OPCML: variants seen among roughly 807,000 people sequenced by gnomAD.
The protein encoded by OPCML is opioid-binding protein/cell adhesion molecule.
Under a neutral mutation model 37.8 loss-of-function variants are expected in OPCML, and 13 were observed. The observed-to-expected ratio is 0.34, with a 90% confidence interval of 0.22 to 0.55. OPCML has a LOEUF of 0.55. OPCML is among the 20% of genes least tolerant of loss of function. OPCML has a pLI of 0.91. For missense variants in OPCML, 341 were observed against 435.6 expected (o/e 0.78, Z 1.93); for synonymous variants, 176 against 168.8 (o/e 1.04, Z -0.33).
intron 1 of OPCML, among the ~76,000 whole-genome samples, chr11:133,164,726 G>A (rs528621544): frequency 3.3e-5 from 5 of 152,288 alleles, no homozygotes; most frequent in South Asian, 2.1e-4. Context: ...AGTTAAAGGC[G>A]CTCTCCTAGA....
intron 1 of OPCML, among the ~76,000 whole-genome samples, chr11:133,207,055 A>C (rs1385232725): frequency 6.8e-6 from 1 of 147,254 alleles, no homozygotes; most frequent in Non-Finnish European, 1.5e-5. Context: ...TGGGAGGCCG[A>C]GGCGGGCGGA....
At chr11:133,248,175 G>A (rs1246778791) in intron 1 of OPCML, among the ~76,000 whole-genome samples, 4 of 152,152 alleles carry the variant, frequency 2.6e-5, no homozygotes, top group Admixed American at 1.3e-4. Context: ...AGCAAGGAAC[G>A]TACAATTGTG....
chr11:132,492,063 G>A (rs2096217877), intron 4 of OPCML, among the ~76,000 whole-genome samples: 1 of 151,852 alleles, frequency 6.6e-6, no homozygotes, highest in African/African-American at 2.4e-5. Flanking sequence ...CAGAGAAGGA[G>A]CAGGCAACTG....
At chr11:132,482,385 C>CGGAAT (rs1194189131) in intron 4 of OPCML, among the ~76,000 whole-genome samples, 2 of 151,728 alleles carry the variant, frequency 1.3e-5, no homozygotes, top group East Asian at 3.9e-4. Context: ...AGTTGAATCT[C>CGGAAT]AGAATAGACC....
chr11:132,429,542 C>G (rs902008208), intron 7 of OPCML, among the ~76,000 whole-genome samples: 1 of 152,024 alleles, frequency 6.6e-6, no homozygotes, highest in Non-Finnish European at 1.5e-5. Context: ...GAGGCATGCC[C>G]CGAGCGTTCC....
chr11:132,657,599 A>G (rs1227816198), intron 2 of OPCML, among the ~76,000 whole-genome samples: 1 of 152,216 alleles, frequency 6.6e-6, no homozygotes, highest in East Asian at 1.9e-4. Context: ...TTTTTTCCCC[A>G]TAGGCTTATA....
At chr11:132,652,725 T>C (rs1941492825) in intron 3 of OPCML, among the ~76,000 whole-genome samples, 1 of 152,212 alleles carries the variant, frequency 6.6e-6, no homozygotes, top group South Asian at 2.1e-4. Context: ...AACAATCTCT[T>C]AGCTTGTCAC....
chr11:132,890,531 G>A (rs1471357524), intron 2 of OPCML, among the ~76,000 whole-genome samples: 4 of 151,988 alleles, frequency 2.6e-5, no homozygotes, highest in African/African-American at 9.7e-5. Context: ...ACATACAAAA[G>A]AGCAAGATAA....
intron 4 of OPCML, among the ~76,000 whole-genome samples, chr11:132,505,746 C>T (rs1162915792): frequency 2.6e-5 from 4 of 151,954 alleles, no homozygotes; most frequent in Admixed American, 2.0e-4. Flanking sequence ...GAAGAAAAGA[C>T]AGAAGGAGAT....
At chr11:133,086,250 G>A (rs976016600) in intron 1 of OPCML, among the ~76,000 whole-genome samples, 6 of 151,194 alleles carry the variant, frequency 4.0e-5, no homozygotes, top group African/African-American at 1.2e-4. Flanking sequence ...GGATATTACA[G>A]TCAAGTGATG....
chr11:132,723,947 C>T (rs1944774069), intron 2 of OPCML, among the ~76,000 whole-genome samples: 1 of 152,154 alleles, frequency 6.6e-6, no homozygotes, highest in Non-Finnish European at 1.5e-5. Context: ...GCAGAGATGG[C>T]CATGTGGGGT....
intron 2 of OPCML, among the ~76,000 whole-genome samples, chr11:132,888,367 G>A (rs1338787007): frequency 1.3e-5 from 2 of 152,160 alleles, no homozygotes; most frequent in South Asian, 2.1e-4. Context: ...CAGAGGCTGT[G>A]CGCTGTCTCT....
chr11:133,492,764 A>G (rs368582209), intron 1 of OPCML, among the ~76,000 whole-genome samples: 5 of 152,272 alleles, frequency 3.3e-5, no homozygotes, highest in South Asian at 2.1e-4. Flanking sequence ...CTGAATAAAT[A>G]TTAACGGGAA....
intron 2 of OPCML, among the ~76,000 whole-genome samples, chr11:132,910,305 G>A (rs948858070): frequency 6.6e-6 from 1 of 152,258 alleles, no homozygotes; most frequent in African/African-American, 2.4e-5. Flanking sequence ...CCCCACAGGG[G>A]CAGGCCGGGC....
At chr11:133,281,882 C>T (rs997251187) in intron 1 of OPCML, among the ~76,000 whole-genome samples, 2 of 152,040 alleles carry the variant, frequency 1.3e-5, no homozygotes, top group Non-Finnish European at 2.9e-5. Context: ...TGTATCCGCA[C>T]CCTAGGGATC....
At chr11:133,237,275 T>TG (rs1161413637) in intron 1 of OPCML, among the ~76,000 whole-genome samples, 2 of 152,170 alleles carry the variant, frequency 1.3e-5, no homozygotes, top group African/African-American at 4.8e-5. Flanking sequence ...CACCCTGGGG[T>TG]GGGGGGTGGA....
chr11:132,680,647 C>T (rs543416216), intron 2 of OPCML, among the ~76,000 whole-genome samples: 1 of 152,250 alleles, frequency 6.6e-6, no homozygotes, highest in Admixed American at 6.5e-5. Context: ...ATTCTTAATG[C>T]TAATTTTGAA....
intron 2 of OPCML, among the ~76,000 whole-genome samples, chr11:132,686,643 C>T (rs1301560216): frequency 6.6e-6 from 1 of 152,200 alleles, no homozygotes; most frequent in Non-Finnish European, 1.5e-5. Flanking sequence ...CAAAACACTT[C>T]TATAGGAGCA....
At chr11:132,962,818 G>C (rs372711464) in intron 1 of OPCML, among the ~76,000 whole-genome samples, 1 of 152,220 alleles carries the variant, frequency 6.6e-6, no homozygotes, top group Non-Finnish European at 1.5e-5. Context: ...GCTGTTTTTC[G>C]TACAATATTT....
Sources: allele counts gnomAD v4.1 joint callset (sites outside exome capture counted in the v4.1 genomes callset), GRCh38; gene constraint gnomAD v4.1.1; transcripts MANE v1.5; gene names NCBI Gene and HGNC (gene_info 2026-07-23, HGNC 2026-07-21).